HIBCH: variants seen among roughly 807,000 people sequenced by gnomAD.
HIBCH encodes the protein 3-hydroxyisobutyryl-CoA hydrolase, also known as 3-hydroxyisobutyryl-CoA hydrolase, mitochondrial.
HIBCH carries 50 observed loss-of-function variants against 58.2 expected under a neutral mutation model. The ratio of observed to expected loss-of-function variants is 0.86; its 90% CI spans 0.68 to 1.09. The LOEUF is 1.09. Among genes scored for constraint, HIBCH ranks in the 50% least tolerant of loss-of-function variants. The probability of loss-of-function intolerance (pLI) is 0.00; values close to 1 mark genes in which losing one functional copy is unlikely to be tolerated. For missense variants in HIBCH, 450 were observed against 449.7 expected (o/e 1.00, Z -0.01); for synonymous variants, 151 against 146.9 (o/e 1.03, Z -0.20).
chr2:190,227,584 C>T (rs1685947448), intron 11 of HIBCH, among the ~76,000 whole-genome samples: 1 of 152,128 alleles, frequency 6.6e-6, no homozygotes, highest in African/African-American at 2.4e-5. Flanking sequence ...TCTAATTAAA[C>T]AGCAAAAGAA....
At chr2:190,203,323 T>G (rs184516805), downstream of HIBCH, 26 of 167,210 alleles carry the variant, frequency 1.6e-4, no homozygotes, top group Non-Finnish European at 3.4e-4. Context: ...CTGTGGGCAT[T>G]AGTTCAGAAG....
chr2:190,255,253 T>A (rs1182909987), intron 7 of HIBCH, among the ~76,000 whole-genome samples: 1 of 152,218 alleles, frequency 6.6e-6, no homozygotes, highest in Non-Finnish European at 1.5e-5. Flanking sequence ...ACATCACTCC[T>A]GCCCTCGATT....
rs1380037267 is a variant in HIBCH, at chr2:190,210,486, AT to A, written c.1012-1574del. 1.3e-5 allele frequency among the ~76,000 whole-genome samples: 2 copies of A among 152,138 alleles called. No individual in the cohort carries two copies. Among genetic ancestry groups the A allele is most frequent in the Admixed American group, 1.3e-4 (2 of 15,280 alleles). On this transcript the variant is annotated intron_variant, in intron 12 of 13. Coordinates refer to ENST00000359678, the MANE Select transcript of HIBCH (RefSeq NM_014362.4). This position sits in a 1 kb window ranked among gnomAD's most constrained non-coding sequence, Gnocchi z 5.5. ...GGTCTGGACTCTCATTTTCTTTATA[AT>A]ATGATCTTACCTATTCAGTGCTCAA...
intron 7 of HIBCH, among the ~76,000 whole-genome samples, chr2:190,259,319 A>ATGTG (rs370172555): frequency 0.088 from 10,708 of 121,934 alleles, 572 homozygotes; most frequent in South Asian, 0.11. Context: ...CAGTATACAG[A>ATGTG]TGTGTGTGTG....
In HIBCH at chr2:190,281,446, T is replaced by C. The variant is rs573094682; in HGVS notation, c.438+6140A>G. On this transcript the variant is annotated intron_variant, in intron 6 of 13. Coordinates refer to ENST00000359678, the MANE Select transcript of HIBCH (RefSeq NM_014362.4). The surrounding 1 kb of genome is among the most constrained non-coding windows in gnomAD (Gnocchi z 5.4). ...CAAGCAGCCCCGGGCGGTAAGCTTA[T>C]AGGGGGAGGCCCAAGTCCATCACCC... 3.4e-4 allele frequency among the ~76,000 whole-genome samples: 51 copies of C among 152,238 alleles called. No individual in the cohort carries two copies. Among genetic ancestry groups the C allele is most frequent in the Middle Eastern group, 3.4e-3 (1 of 294 alleles).
At chr2:190,272,242 T>C (rs1687419457) in intron 6 of HIBCH, among the ~76,000 whole-genome samples, 1 of 152,196 alleles carries the variant, frequency 6.6e-6, no homozygotes, top group Non-Finnish European at 1.5e-5. Context: ...TTTTGTTCAC[T>C]GTTTTATCAC....
At position 190,298,373 on chromosome 2, in the gene HIBCH, G is replaced by A. The variant is rs1041784388; in HGVS notation, c.79-1420C>T. ...TTGAATTTACACTCCCACCAACAGCGTAAAAGCGTTCTTATTTCTCCGCAG... is the reference window on the plus strand; with the variant it reads ...TTGAATTTACACTCCCACCAACAGCATAAAAGCGTTCTTATTTCTCCGCAG... On this transcript the variant is annotated intron_variant, in intron 2 of 13. Coordinates refer to ENST00000359678, the MANE Select transcript of HIBCH (RefSeq NM_014362.4). Among the ~76,000 whole-genome samples the A allele has an allele frequency of 4.7e-5, 7 of 149,156 alleles. No individual in the cohort carries two copies. The South Asian group carries it at 1.0e-3, about 22-fold the overall frequency.
chr2:190,311,162 T>TGAA (rs1688546101), intron 1 of HIBCH: 2 of 402,330 alleles, frequency 5.0e-6, no homozygotes, highest in African/African-American at 2.1e-5. Context: ...TACATACTAC[T>TGAA]AAGCAAAAGA....
At chr2:190,284,678 G>A (rs542879306) in intron 6 of HIBCH, among the ~76,000 whole-genome samples, 2 of 152,300 alleles carry the variant, frequency 1.3e-5, no homozygotes, top group African/African-American at 4.8e-5. Flanking sequence ...GAAATCTGAA[G>A]AAATCTGTAT....
chr2:190,280,368 A>G (rs1300535282), intron 6 of HIBCH, among the ~76,000 whole-genome samples: 1 of 152,168 alleles, frequency 6.6e-6, no homozygotes, highest in East Asian at 1.9e-4. Context: ...TGAGCAGGGC[A>G]GAGAGCTCCC....
At chr2:190,266,783 G>A (rs566422223) in intron 6 of HIBCH, among the ~76,000 whole-genome samples, 1 of 151,908 alleles carries the variant, frequency 6.6e-6, no homozygotes. Flanking sequence ...TTGAGACAGA[G>A]TCCTGCTTTG....
At chr2:190,302,623 T>C (rs1430589644) in intron 2 of HIBCH, among the ~76,000 whole-genome samples, 2 of 152,158 alleles carry the variant, frequency 1.3e-5, no homozygotes, top group African/African-American at 2.4e-5. Flanking sequence ...GTTTAACTCT[T>C]AGGGAAGAAA....
intron 6 of HIBCH, among the ~76,000 whole-genome samples, chr2:190,284,025 T>G (rs1204681707): frequency 1.3e-5 from 2 of 152,232 alleles, no homozygotes; most frequent in African/African-American, 4.8e-5. Context: ...CGAGACTGAT[T>G]CTCTAGGCAA....
At chr2:190,227,613 A>G (rs1388639185) in intron 11 of HIBCH, among the ~76,000 whole-genome samples, 1 of 152,250 alleles carries the variant, frequency 6.6e-6, no homozygotes, top group Non-Finnish European at 1.5e-5. Context: ...CGGAGTGAAC[A>G]GGCAACCTAC....
chr2:190,219,862 T>C (rs552294867), intron 11 of HIBCH, among the ~76,000 whole-genome samples: 56 of 152,298 alleles, frequency 3.7e-4, no homozygotes, highest in South Asian at 6.2e-4. Flanking sequence ...TTCTGTGGGT[T>C]TGGATGGACA....
chr2:190,250,994 T>A (rs978679271), intron 8 of HIBCH, among the ~76,000 whole-genome samples: 2 of 152,056 alleles, frequency 1.3e-5, no homozygotes, highest in African/African-American at 4.8e-5. Context: ...CATGATAGTC[T>A]AACTGTCAGT....
chr2:190,319,724 G>A lies in HIBCH; in HGVS notation c.27C>T (p.Leu9=). The A allele has an allele frequency of 1.1e-5, 18 of 1,612,708 alleles. No homozygotes were observed. Among genetic ancestry groups the A allele is most frequent in the Non-Finnish European group, 1.5e-5 (18 of 1,179,244 alleles). MGQREMWR[L]MSRFNAFKRT... is the part of the protein sequence containing the mutation. Reference sequence around the variant, plus strand: ...CTCGCTCTCTCACTCACCTCGACATGAGCCTCCACATCTCGCGCTGCCCCA... The same window carrying A: ...CTCGCTCTCTCACTCACCTCGACATAAGCCTCCACATCTCGCGCTGCCCCA... The change falls in exon 1 of 14, where the codon CTC becomes CTT. Residue 9 remains leucine, a synonymous_variant. Coordinates refer to ENST00000359678, the MANE Select transcript of HIBCH (RefSeq NM_014362.4).
At chr2:190,201,794 T>C (rs1267588886), downstream of HIBCH, 1 of 167,000 alleles carries the variant, frequency 6.0e-6, no homozygotes, top group African/African-American at 2.4e-5. Context: ...AACCCATTCA[T>C]ACAAGGATCT....
intron 11 of HIBCH, among the ~76,000 whole-genome samples, chr2:190,222,306 C>T (rs1685744438): frequency 6.6e-6 from 1 of 152,082 alleles, no homozygotes; most frequent in Admixed American, 6.6e-5. Flanking sequence ...CCGGCTAGTC[C>T]TAGCACCTGT....
Sources: gnomAD v4.1 joint callset for allele counts (sites outside exome capture counted in the v4.1 genomes callset) on GRCh38, gnomAD v4.1.1 for gene constraint, Gnocchi (gnomAD v3.1) non-coding constraint, MANE v1.5 for transcripts, NCBI Gene and HGNC (gene_info 2026-07-23, HGNC 2026-07-21) for gene names.